Variants in PTPRK observed in about 807,000 individuals in gnomAD.
PTPRK encodes the protein protein tyrosine phosphatase receptor type K.
In PTPRK, 75 loss-of-function variants were observed where a neutral mutation model predicts 178.0. The observed-to-expected ratio is 0.42, with a 90% CI of 0.35 to 0.51. PTPRK has a LOEUF of 0.51. Ranked by LOEUF, PTPRK falls within the 20% of genes least tolerant of loss-of-function variation. The pLI, the probability that PTPRK is intolerant of heterozygous loss-of-function variation, is 0.02. For missense variants in PTPRK, 1,441 were observed against 1,797.8 expected (o/e 0.80, Z 3.59); for synonymous variants, 637 against 620.6 (o/e 1.03, Z -0.39).
chr6:128,125,271 G>T (rs1412870326), intron 7 of PTPRK, among the ~76,000 whole-genome samples: 1 of 152,190 alleles, frequency 6.6e-6, no homozygotes, highest in East Asian at 1.9e-4. Flanking sequence ...TTGGATCATG[G>T]TGGTGGTTTC....
intron 1 of PTPRK, among the ~76,000 whole-genome samples, chr6:128,423,616 T>G (rs964212300): frequency 2.6e-5 from 4 of 151,534 alleles, no homozygotes; most frequent in African/African-American, 9.7e-5. Flanking sequence ...GATCATGAGG[T>G]CAGGAGTTCA....
At chr6:128,251,725 T>C (rs1816488276) in intron 3 of PTPRK, among the ~76,000 whole-genome samples, 1 of 152,194 alleles carries the variant, frequency 6.6e-6, no homozygotes, top group African/African-American at 2.4e-5. Flanking sequence ...TATGTATCCA[T>C]ATATCACTGT....
chr6:128,241,403 A>C (rs570635859), intron 4 of PTPRK: 110 of 479,456 alleles, frequency 2.3e-4, no homozygotes, highest in Non-Finnish European at 3.9e-4. Flanking sequence ...GCAATCTGTG[A>C]TTTACCACAG....
At chr6:128,457,239 A>T (rs1051054345) in intron 1 of PTPRK, among the ~76,000 whole-genome samples, 2 of 152,150 alleles carry the variant, frequency 1.3e-5, no homozygotes, top group African/African-American at 4.8e-5. Context: ...TTCAACTTCC[A>T]AGTTTACTAT....
intron 1 of PTPRK, among the ~76,000 whole-genome samples, chr6:128,450,630 T>TGCAA (rs1482229627): frequency 6.6e-6 from 1 of 152,198 alleles, no homozygotes; most frequent in Non-Finnish European, 1.5e-5. Flanking sequence ...AAACTCTTGG[T>TGCAA]TGGTAAAACT....
chr6:128,518,970 C>T (rs1858513338), intron 1 of PTPRK: 1 of 485,730 alleles, frequency 2.1e-6, no homozygotes, highest in Admixed American at 2.3e-5. Context: ...AACAGGGCCT[C>T]CACAACAACG....
chr6:127,990,998 T>A (rs991895700), intron 20 of PTPRK, 113 bp from the exon 21 acceptor site: 25 of 696,638 alleles, frequency 3.6e-5, no homozygotes, highest in Middle Eastern at 8.3e-4. Flanking sequence ...TTTAAAAATC[T>A]ATAAATGAGA....
At chr6:128,000,485 A>C (rs1358340380) in intron 15 of PTPRK, 2 of 441,106 alleles carry the variant, frequency 4.5e-6, no homozygotes, top group East Asian at 1.9e-4. Flanking sequence ...AATCCCTGAT[A>C]GATTCTGTTG....
At chr6:128,313,091 A>G (rs1339683051) in intron 3 of PTPRK, among the ~76,000 whole-genome samples, 1 of 152,126 alleles carries the variant, frequency 6.6e-6, no homozygotes, top group Non-Finnish European at 1.5e-5. Flanking sequence ...ATCATCACCA[A>G]TATACAGTCT....
intron 13 of PTPRK, among the ~76,000 whole-genome samples, chr6:128,048,435 C>T (rs9388616): frequency 0.73 from 110,739 of 152,022 alleles, 43,328 homozygotes; most frequent in South Asian, 0.94. Context: ...TATGTTCCCT[C>T]TGCCTCTAAT....
intron 11 of PTPRK, 88 bp from the exon 12 acceptor site, chr6:128,067,880 TA>T (rs1401050162): frequency 3.4e-5 from 41 of 1,192,078 alleles, no homozygotes; most frequent in Non-Finnish European, 4.1e-5. Context: ...AGGGGTTGAC[TA>T]TTAACACACC....
chr6:128,242,098 T>A (rs538704251), intron 4 of PTPRK, among the ~76,000 whole-genome samples: 1 of 152,088 alleles, frequency 6.6e-6, no homozygotes, highest in South Asian at 2.1e-4. Context: ...GTGAACTAAT[T>A]ATTTCTCTTC....
chr6:128,277,157 C>T (rs1323240982), intron 3 of PTPRK, among the ~76,000 whole-genome samples: 2 of 151,756 alleles, frequency 1.3e-5, no homozygotes, highest in Non-Finnish European at 2.9e-5. Context: ...AAACAGCTGT[C>T]TACTCAAGTT....
intron 18 of PTPRK, among the ~76,000 whole-genome samples, chr6:127,994,633 C>T (rs1295814624): frequency 2.6e-5 from 4 of 151,694 alleles, no homozygotes; most frequent in Non-Finnish European, 4.4e-5. Flanking sequence ...TAAGAATATT[C>T]TATATTTTGT....
At chr6:128,423,964 T>G (rs1843789755) in intron 1 of PTPRK, among the ~76,000 whole-genome samples, 1 of 151,908 alleles carries the variant, frequency 6.6e-6, no homozygotes, top group Non-Finnish European at 1.5e-5. Flanking sequence ...CTTACACCTG[T>G]AATCCCAGCA....
intron 7 of PTPRK, among the ~76,000 whole-genome samples, chr6:128,120,756 G>T (rs560948539): frequency 2.0e-5 from 3 of 151,804 alleles, no homozygotes; most frequent in South Asian, 4.1e-4. Flanking sequence ...ATTTTTTTAA[G>T]GAAGTATTTC....
At chr6:128,065,033 G>A (rs369151071) in intron 12 of PTPRK, among the ~76,000 whole-genome samples, 1 of 152,262 alleles carries the variant, frequency 6.6e-6, no homozygotes, top group East Asian at 1.9e-4. Context: ...TTTTTACCTT[G>A]CAATGAAACA....
At chr6:128,041,289 A>G (rs1335555281) in intron 13 of PTPRK, among the ~76,000 whole-genome samples, 2 of 152,100 alleles carry the variant, frequency 1.3e-5, no homozygotes, top group African/African-American at 4.8e-5. Context: ...GAAAGATCCA[A>G]TTAACTTTCT....
At chr6:128,440,395 C>T (rs545834261) in intron 1 of PTPRK, among the ~76,000 whole-genome samples, 8 of 152,202 alleles carry the variant, frequency 5.3e-5, no homozygotes, top group South Asian at 2.1e-4. Context: ...CTCTTTCCCC[C>T]GATTTCAGAT....
Sources: allele counts gnomAD v4.1 joint callset (sites outside exome capture counted in the v4.1 genomes callset), GRCh38; gene constraint gnomAD v4.1.1; transcripts MANE v1.5; gene names NCBI Gene and HGNC (gene_info 2026-07-23, HGNC 2026-07-21).